Variants in HS3ST2 observed in about 807,000 individuals in gnomAD.
HS3ST2 encodes the protein heparan sulfate glucosamine 3-O-sulfotransferase 2.
In HS3ST2, 17 loss-of-function variants were observed where a neutral mutation model predicts 26.3. The observed-to-expected ratio is 0.65, with a 90% confidence interval of 0.44 to 0.97. The LOEUF (loss-of-function observed/expected upper bound fraction) is 0.97, where lower values mean the gene tolerates loss of function less well. HS3ST2 is among the 50% of genes least tolerant of loss of function. The pLI is 0.00. For missense variants in HS3ST2, 402 were observed against 501.2 expected (o/e 0.80, Z 1.89); for synonymous variants, 237 against 219.2 (o/e 1.08, Z -0.72).
chr16:22,851,592 C>G (rs1901518834), intron 1 of HS3ST2, among the ~76,000 whole-genome samples: 2 of 152,160 alleles, frequency 1.3e-5, no homozygotes, highest in South Asian at 4.1e-4. Context: ...GAGAGAATCT[C>G]AGATATAATC....
chr16:22,907,019 A>G (rs186169402), intron 1 of HS3ST2, among the ~76,000 whole-genome samples: 32 of 152,348 alleles, frequency 2.1e-4, no homozygotes, highest in Non-Finnish European at 2.6e-4. Flanking sequence ...AAGTGCCATG[A>G]GGTTACACAA....
intron 1 of HS3ST2, among the ~76,000 whole-genome samples, chr16:22,858,786 T>C (rs1901637656): frequency 6.6e-6 from 1 of 152,192 alleles, no homozygotes; most frequent in Non-Finnish European, 1.5e-5. Context: ...TCTGAGATAA[T>C]GTGCATGAAT....
Position 22,898,387 on chromosome 16 carries a change from G to A in HS3ST2, c.486-16557G>A, listed in dbSNP as rs146391977. Among the ~76,000 whole-genome samples, 5 of 152,326 alleles carry A rather than the reference G, an allele frequency of 3.3e-5. No individual in the cohort carries two copies. The East Asian group carries it at 9.6e-4, about 29-fold the overall frequency. Reference sequence around the variant, plus strand: ...TGAGGGGAAAGGCAATAGATAAACAGAGAGGCAAGATAATTACAGATGGTG... The same window carrying A: ...TGAGGGGAAAGGCAATAGATAAACAAAGAGGCAAGATAATTACAGATGGTG... On this transcript the variant is annotated intron_variant, in intron 1 of 1. Transcript: ENST00000261374.
intron 1 of HS3ST2, among the ~76,000 whole-genome samples, chr16:22,815,935 T>A (rs1369720246): frequency 1.3e-5 from 2 of 152,226 alleles, no homozygotes; most frequent in African/African-American, 2.4e-5. Flanking sequence ...AGGTGGGCCC[T>A]GCGGGTGAAG....
At chr16:22,828,825 C>T (rs1901128262) in intron 1 of HS3ST2, among the ~76,000 whole-genome samples, 1 of 152,186 alleles carries the variant, frequency 6.6e-6, no homozygotes, top group South Asian at 2.1e-4. Context: ...GCCCCCTTTC[C>T]TGTATTTTCT....
intron 1 of HS3ST2, among the ~76,000 whole-genome samples, chr16:22,850,386 T>TA (rs1371624093): frequency 1.3e-5 from 2 of 152,218 alleles, no homozygotes; most frequent in Admixed American, 6.5e-5. Context: ...TTGCTCCAGT[T>TA]ATCTATTGGT....
intron 1 of HS3ST2, among the ~76,000 whole-genome samples, chr16:22,846,143 G>A (rs908439206): frequency 1.3e-5 from 2 of 152,114 alleles, no homozygotes; most frequent in African/African-American, 2.4e-5. Flanking sequence ...CAGGCATGGT[G>A]GCGAGTGCCT....
chr16:22,832,611 A>G (rs2141178872), intron 1 of HS3ST2, among the ~76,000 whole-genome samples: 1 of 152,136 alleles, frequency 6.6e-6, no homozygotes, highest in African/African-American at 2.4e-5. Flanking sequence ...ATGTCCAACC[A>G]GGCTTCTACT....
In HS3ST2 at chr16:22,885,843, T is replaced by A. The variant is rs535548601; in HGVS notation, c.486-29101T>A. On this transcript the variant is annotated intron_variant, in intron 1 of 1. Coordinates refer to ENST00000261374, the MANE Select transcript of HS3ST2 (RefSeq NM_006043.2). Reference sequence around the variant, plus strand: ...GAAGGTTCTGCAGACAGTTACCCGGTCCACCCACTGTGGTCACTGGTCGAC... The same window carrying A: ...GAAGGTTCTGCAGACAGTTACCCGGACCACCCACTGTGGTCACTGGTCGAC... Among the ~76,000 whole-genome samples, 4 of 152,196 alleles carry A rather than the reference T, an allele frequency of 2.6e-5. No homozygotes were observed. In the East Asian group the frequency reaches 5.8e-4, roughly 22 times the overall value.
At chr16:22,900,667 G>T (rs914794903) in intron 1 of HS3ST2, among the ~76,000 whole-genome samples, 14 of 152,108 alleles carry the variant, frequency 9.2e-5, no homozygotes, top group Admixed American at 5.2e-4. Context: ...AATGGTCAGT[G>T]GGGGGCAGGG....
chr16:22,912,813 G>A (rs1021013128), intron 1 of HS3ST2, among the ~76,000 whole-genome samples: 3 of 152,060 alleles, frequency 2.0e-5, no homozygotes, highest in African/African-American at 7.2e-5. Context: ...ACCTCGGGGC[G>A]TTGCCATGGC....
At chr16:22,853,322 G>A (rs550803656) in intron 1 of HS3ST2, among the ~76,000 whole-genome samples, 73 of 152,278 alleles carry the variant, frequency 4.8e-4, no homozygotes, top group African/African-American at 1.7e-3. Context: ...CATTGGTGTC[G>A]GGGTTCTTTT....
chr16:22,914,445 C>T (rs1413266426), intron 1 of HS3ST2, among the ~76,000 whole-genome samples: 1 of 151,930 alleles, frequency 6.6e-6, no homozygotes, highest in African/African-American at 2.4e-5. Context: ...AGAAAAAAAG[C>T]CTGTAATCCC....
At chr16:22,889,123 C>T (rs904130731) in intron 1 of HS3ST2, among the ~76,000 whole-genome samples, 6 of 152,286 alleles carry the variant, frequency 3.9e-5, no homozygotes, top group Admixed American at 3.3e-4. Flanking sequence ...TAGCCACACA[C>T]AGAAGTGTCT....
chr16:22,847,709 C>A (rs561847344), intron 1 of HS3ST2, among the ~76,000 whole-genome samples: 2 of 148,194 alleles, frequency 1.3e-5, no homozygotes, highest in South Asian at 4.3e-4. Context: ...AGCTATTAAG[C>A]CATAGAGTCA....
At chr16:22,884,598 A>G (rs1902034315) in intron 1 of HS3ST2, among the ~76,000 whole-genome samples, 1 of 151,082 alleles carries the variant, frequency 6.6e-6, no homozygotes, top group Admixed American at 6.6e-5. Context: ...CCACCTTTGA[A>G]CTGGATGGCC....
intron 1 of HS3ST2, among the ~76,000 whole-genome samples, chr16:22,829,072 A>C (rs1237008556): frequency 6.6e-6 from 1 of 152,250 alleles, no homozygotes; most frequent in Non-Finnish European, 1.5e-5. Flanking sequence ...GGTAGTCTCT[A>C]AAACAGGAAC....
intron 1 of HS3ST2, among the ~76,000 whole-genome samples, chr16:22,887,760 A>C (rs1902080189): frequency 6.8e-6 from 1 of 147,450 alleles, no homozygotes; most frequent in Admixed American, 7.0e-5. Context: ...CAGCCTGGGC[A>C]ATATAACGAG....
chr16:22,902,391 G>A lies in HS3ST2; in HGVS notation c.486-12553G>A, dbSNP rs1902291614. ...TTCCTGCTTAGACAATAGTCCAGGG[G>A]TGTTGTTTTCTAGTTGTAGGTATCC... On this transcript the variant is annotated intron_variant, in intron 1 of 1. Transcript: ENST00000261374. Among the ~76,000 whole-genome samples, 4 of 152,186 alleles carry A rather than the reference G, an allele frequency of 2.6e-5. No homozygotes were observed. In the South Asian group the frequency reaches 8.3e-4, roughly 32 times the overall value.
Sources: gnomAD v4.1 joint callset for allele counts (sites outside exome capture counted in the v4.1 genomes callset) on GRCh38, gnomAD v4.1.1 for gene constraint, MANE v1.5 for transcripts, NCBI Gene and HGNC (gene_info 2026-07-23, HGNC 2026-07-21) for gene names.